The following TPR variants were observed in gnomAD, a reference collection of about 807,000 sequenced individuals.
The protein encoded by TPR is translocated promoter region, nuclear basket protein, also known as nucleoprotein TPR.
Under a neutral mutation model 316.1 loss-of-function variants are expected in TPR, and 51 were observed. That is an observed-to-expected ratio of 0.16 (90% confidence interval 0.13 to 0.20). The LOEUF is 0.20. Among genes scored for constraint, TPR ranks in the 10% least tolerant of loss-of-function variants. TPR has a pLI of 1.00. For synonymous variants in TPR, 981 were observed against 914.7 expected (o/e 1.07, Z -1.31); for missense variants, 2,272 against 2,754.8 (o/e 0.82, Z 3.92).
At position 186,369,007 on chromosome 1, in the gene TPR, C is replaced by T. The variant is rs140726152; in HGVS notation, c.331-1025G>A. ...CTTCTCAACACCATTAATGAGGAGA[C>T]GATCACAACTCCATTGGGTCTTCTT... On this transcript the variant is annotated intron_variant, in intron 3 of 50. Transcript: ENST00000367478. Among the ~76,000 whole-genome samples the T allele has an allele frequency of 1.2e-4, 19 of 152,274 alleles. No homozygotes were observed. In the East Asian group the frequency reaches 1.9e-3, roughly 15 times the overall value.
chr1:186,328,095 TA>T (rs1466205147), intron 39 of TPR, among the ~76,000 whole-genome samples: 1 of 152,182 alleles, frequency 6.6e-6, no homozygotes, highest in Non-Finnish European at 1.5e-5. Context: ...CATTTAATTT[TA>T]AAAATGGCAT....
rs1026465940 is a variant in TPR, at chr1:186,341,532, G to A, written c.3751-143C>T. 13 of 872,900 alleles carry A rather than the reference G, an allele frequency of 1.5e-5. No homozygotes were observed. In the Admixed American group the frequency reaches 1.7e-4, roughly 11 times the overall value. 54.1% of individuals were successfully genotyped at this position (872,900 alleles called of 1,614,324 possible). A position where few individuals can be genotyped will look rare whatever the true frequency, so the allele number is the denominator to read the frequency against. ...AGAACTAAAATTTTTGAAAGTTCAC[G>A]TTTACTTTTCTGTGAGGCATGCGAA... is the stretch of plus-strand genomic sequence containing the variant. On this transcript the variant is annotated intron_variant, in intron 27 of 50. Coordinates refer to ENST00000367478, the MANE Select transcript of TPR (RefSeq NM_003292.3).
chr1:186,369,013 C>T (rs1006461839), intron 3 of TPR, among the ~76,000 whole-genome samples: 1 of 152,202 alleles, frequency 6.6e-6, no homozygotes, highest in African/African-American at 2.4e-5. Flanking sequence ...GAGACGATCA[C>T]AACTCCATTG....
At position 186,318,946 on chromosome 1, in the gene TPR, G is replaced by C. The variant is rs1054794681; in HGVS notation, c.6569-118C>G. ...GATATACAACTTTACTAAAGTCCAC[G>C]ATTTAATTATTCCATCAAGCAAAAA... On this transcript the variant is annotated intron_variant, in intron 46 of 50. Coordinates refer to ENST00000367478, the MANE Select transcript of TPR (RefSeq NM_003292.3). The C allele has an allele frequency of 4.4e-6, 4 of 908,686 alleles. No homozygotes were observed. In the African/African-American group the frequency reaches 5.1e-5, roughly 12 times the overall value. The allele number at this position is 908,686 out of a possible 1,614,324, so 56.3% of individuals were successfully genotyped here.
In TPR at chr1:186,312,794, G is replaced by A; in HGVS notation, c.*1177C>T. ...GTGTCCTTCATAATGAAGTTAAAGT[G>A]AGTATACTGTGGAGAGGACTTCCAA... On this transcript the variant is annotated 3_prime_UTR_variant, in exon 51 of 51. Coordinates refer to ENST00000367478, the MANE Select transcript of TPR (RefSeq NM_003292.3). 6.2e-7 allele frequency: 1 copy of A among 1,612,876 alleles called. No individual in the cohort carries two copies. Among genetic ancestry groups the A allele is most frequent in the South Asian group, 1.1e-5 (1 of 91,046 alleles).
rs1657686047 is a variant in TPR at position 186,318,785 on chromosome 1, T to C, written c.6612A>G (p.Glu2204=). 1 of 1,614,192 alleles carries C rather than the reference T, an allele frequency of 6.2e-7. No individual in the cohort carries two copies. Among genetic ancestry groups the C allele is most frequent in the South Asian group, 1.1e-5 (1 of 91,082 alleles). ...TGGGAACACTTCGGCCACCTGACTC[T>C]TCTTCATGAGCTAGGAACAGGGGTG... is the stretch of plus-strand genomic sequence containing the variant. The part of the protein sequence containing the change: ...YETPLFLAHE[E]ESGGRSVPTT... Residue 2204 remains glutamate (E), a synonymous_variant, in exon 47 of 51, where the codon GAA becomes GAG. Coordinates refer to ENST00000367478, the MANE Select transcript of TPR (RefSeq NM_003292.3).
intron 18 of TPR, among the ~76,000 whole-genome samples, chr1:186,353,322 A>G (rs2101977189): frequency 6.6e-6 from 1 of 151,916 alleles, no homozygotes; most frequent in Admixed American, 6.6e-5. Flanking sequence ...CAGTGAGCCA[A>G]GATCGTGCCA....
intron 12 of TPR, among the ~76,000 whole-genome samples, chr1:186,359,351 C>T (rs1363406095): frequency 2.6e-5 from 4 of 151,824 alleles, no homozygotes; most frequent in East Asian, 3.9e-4. Context: ...TATAGAGACA[C>T]GCCAAATTGT....
intron 31 of TPR, 81 bp from the exon 32 acceptor site, chr1:186,337,237 T>C (rs772621638): frequency 3.4e-5 from 50 of 1,475,434 alleles, no homozygotes; most frequent in Non-Finnish European, 4.4e-5. Context: ...AAGAAAATAA[T>C]CACAGCTTTG....
intron 23 of TPR, 64 bp downstream of exon 23, chr1:186,346,071 C>G: frequency 6.7e-7 from 1 of 1,486,248 alleles, no homozygotes; most frequent in East Asian, 2.3e-5. Flanking sequence ...CAACTAATGA[C>G]TTAGTTGAAA....
At chr1:186,344,192 T>A in intron 25 of TPR, 102 bp from the exon 26 acceptor site, 1 of 1,427,496 alleles carries the variant, frequency 7.0e-7, no homozygotes, top group Non-Finnish European at 9.4e-7. Context: ...CCCGACTACT[T>A]GGGAGGCTGA....
In TPR at chr1:186,344,358, C is replaced by T; in HGVS notation, c.3417+17G>A. 1.9e-6 allele frequency: 3 copies of T among 1,607,738 alleles called. No individual in the cohort carries two copies. Among genetic ancestry groups the T allele is most frequent in the Admixed American group, 3.4e-5 (2 of 58,830 alleles). ...TTTCAATTCAACAGAACATTCTATT[C>T]AGATTTACAATAATACCTTTAACAT... is the stretch of plus-strand genomic sequence containing the variant. On this transcript the variant is annotated intron_variant, in intron 25 of 50. Coordinates refer to ENST00000367478, the MANE Select transcript of TPR (RefSeq NM_003292.3).
At chr1:186,344,142 A>G in intron 25 of TPR, 52 bp from the exon 26 acceptor site, 1 of 1,566,060 alleles carries the variant, frequency 6.4e-7, no homozygotes, top group Non-Finnish European at 8.6e-7. Flanking sequence ...CATATTTAAA[A>G]AAAACAACTT....
intron 21 of TPR, among the ~76,000 whole-genome samples, chr1:186,349,105 T>C (rs1384500747): frequency 6.6e-6 from 1 of 152,174 alleles, no homozygotes. Flanking sequence ...CTGAACACCA[T>C]AGCTTAGCTT....
intron 45 of TPR, 89 bp from the exon 46 acceptor site, chr1:186,320,507 T>C (rs1657747041): frequency 3.7e-6 from 4 of 1,070,028 alleles, no homozygotes; most frequent in African/African-American, 1.6e-5. Context: ...GAAGGAAGAA[T>C]GAACATCAAC....
rs1286952985 is a variant in TPR at position 186,317,514 on chromosome 1, G to A, written c.6908C>T (p.Thr2303Ile). The A allele has an allele frequency of 6.2e-7, 1 of 1,614,148 alleles. No individual in the cohort carries two copies. Among genetic ancestry groups the A allele is most frequent in the South Asian group, 1.1e-5 (1 of 91,084 alleles). ...QASDESDLPS[T>I]SQDPPSSSSV... ...TGAGCTAGAAGGAGGATCCTGGCTG[G>A]TGGAGGGGAGATCTGACTCATCAGA... Residue 2303 changes from threonine (T) to isoleucine (I), a missense_variant, in exon 49 of 51, where the codon ACC becomes ATC. Thr to Ile is a moderately conservative substitution (Grantham distance 89). Coordinates refer to ENST00000367478, the MANE Select transcript of TPR (RefSeq NM_003292.3).
intron 39 of TPR, among the ~76,000 whole-genome samples, chr1:186,331,138 A>T (rs1261400300): frequency 6.6e-6 from 1 of 152,098 alleles, no homozygotes; most frequent in African/African-American, 2.4e-5. Flanking sequence ...GGGAAATAAT[A>T]CAGGGGAGTA....
At chr1:186,337,951 G>C (rs552114040) in intron 31 of TPR, 82 bp downstream of exon 31, 16 of 1,152,200 alleles carry the variant, frequency 1.4e-5, no homozygotes, top group Non-Finnish European at 1.9e-5. Flanking sequence ...CTAAAAGCTA[G>C]TAATATTCAA....
intron 13 of TPR, 127 bp downstream of exon 13, chr1:186,358,416 G>C (rs945688045): frequency 4.7e-6 from 3 of 635,338 alleles, no homozygotes; most frequent in African/African-American, 3.8e-5. Flanking sequence ...AACTCTGCTC[G>C]AGTACTATTC....
Sources: allele counts gnomAD v4.1 joint callset (sites outside exome capture counted in the v4.1 genomes callset), GRCh38; gene constraint gnomAD v4.1.1; transcripts MANE v1.5; gene names NCBI Gene and HGNC (gene_info 2026-07-23, HGNC 2026-07-21).